EP400: variants seen among roughly 807,000 people sequenced by gnomAD.
The protein encoded by EP400 is E1A-binding protein p400.
A neutral mutation model predicts 354.1 loss-of-function variants in EP400; 105 were observed. That is an observed-to-expected ratio of 0.30 (90% CI 0.25 to 0.35). The LOEUF (loss-of-function observed/expected upper bound fraction) is 0.35. EP400 is among the 10% of genes least tolerant of loss of function. The pLI, the probability that EP400 is intolerant of heterozygous loss-of-function variation, is 1.00. For missense variants in EP400, 3,280 were observed against 4,121.0 expected, an observed-to-expected ratio of 0.80 and a Z score of 5.59; for synonymous variants, 1,646 against 1,716.9, an observed-to-expected ratio of 0.96 and a Z score of 1.02.
At chr12:131,955,980 G>C in intron 1 of EP400, among the ~76,000 whole-genome samples, 1 of 152,108 alleles carries the variant, frequency 6.6e-6, no homozygotes, top group East Asian at 1.9e-4. Flanking sequence ...ATTCCATCTT[G>C]TAACCATTAT....
In EP400 at chr12:132,052,307, C is replaced by T. The variant is rs576320202; in HGVS notation, c.7395-839C>T. Among the ~76,000 whole-genome samples the T allele has an allele frequency of 1.9e-4, 29 of 152,324 alleles. No individual in the cohort carries two copies. The highest frequency in any genetic ancestry group is 4.3e-4 in the Non-Finnish European group (29 of 68,026). On this transcript the variant is annotated intron_variant, in intron 41 of 52. Transcript: ENST00000389561. The surrounding 1 kb of genome is among the most constrained non-coding windows in gnomAD (Gnocchi z 4.4). ...CTTCCTCGTTCTGTGGCCCCCTTTC[C>T]GCACAGTAGTGGAGTGATCCTTGTC...
chr12:132,067,501 G>A lies in EP400; in HGVS notation c.8874+15G>A, dbSNP rs1350094256. ...TCCAGCAGAAGGTACCGGGGCTAGG[G>A]GATTCTCACTTCTGGGTCTATGCCA... On this transcript the variant is annotated intron_variant, in intron 50 of 52. Transcript: ENST00000389561. This position sits in a 1 kb window ranked among gnomAD's most constrained non-coding sequence, Gnocchi z 5.3. The A allele has an allele frequency of 6.2e-7, 1 of 1,609,658 alleles. No homozygotes were observed. Among genetic ancestry groups the A allele is most frequent in the Admixed American group, 1.7e-5 (1 of 59,932 alleles).
rs979314587 is a variant in EP400 at position 132,018,602 on chromosome 12, C to G, written c.4277+226C>G. ...CTCCCTGAGCAGCAACCTCCTTGAT[C>G]GTCTTTGCAGCAGTTTTAGGGTAGG... On this transcript the variant is annotated intron_variant, in intron 21 of 52. Transcript: ENST00000389561. This position sits in a 1 kb window ranked among gnomAD's most constrained non-coding sequence, Gnocchi z 4.0. Among the ~76,000 whole-genome samples the G allele has an allele frequency of 1.1e-4, 17 of 152,188 alleles. No individual in the cohort carries two copies. Among genetic ancestry groups the G allele is most frequent in the African/African-American group, 3.6e-4 (15 of 41,436 alleles).
chr12:131,971,019 C>G (rs1892271361), intron 2 of EP400, among the ~76,000 whole-genome samples: 1 of 152,114 alleles, frequency 6.6e-6, no homozygotes, highest in Non-Finnish European at 1.5e-5. Flanking sequence ...GCCTGCACAA[C>G]ATAGGACAGC....
In EP400 at chr12:132,079,499, G is replaced by A. The variant is rs1033994559; in HGVS notation, c.*1826G>A. On this transcript the variant is annotated 3_prime_UTR_variant, in exon 53 of 53. Transcript: ENST00000389561. ...TGAAGTATCTAGGAATTCTGCCTTTGTCATTTGTTTTAATTTGTGTGCCCT... is the reference window on the plus strand; with the variant it reads ...TGAAGTATCTAGGAATTCTGCCTTTATCATTTGTTTTAATTTGTGTGCCCT... The A allele has an allele frequency of 1.3e-5, 2 of 152,232 alleles. No homozygotes were observed. The highest frequency in any genetic ancestry group is 2.9e-5 in the Non-Finnish European group (2 of 68,034). 9.4% of individuals were successfully genotyped at this position (152,232 alleles called of 1,614,324 possible).
chr12:132,026,706 A>G lies in EP400; in HGVS notation c.5015-731A>G, dbSNP rs75894629. 6.3e-3 allele frequency among the ~76,000 whole-genome samples: 966 copies of G among 152,218 alleles called. 7 individuals carry two copies. The highest frequency in any genetic ancestry group is 0.022 in the African/African-American group (908 of 41,524). On this transcript the variant is annotated intron_variant, in intron 25 of 52. Coordinates refer to ENST00000389561, the MANE Select transcript of EP400 (RefSeq NM_015409.5). Reference sequence around the variant, plus strand: ...CTCAGCTTCAGAGGCCCCAGTACCAACTGGAGTCCTGGACCCTGAGGGTCT... The same window carrying G: ...CTCAGCTTCAGAGGCCCCAGTACCAGCTGGAGTCCTGGACCCTGAGGGTCT...
intron 12 of EP400, among the ~76,000 whole-genome samples, chr12:131,996,376 C>G (rs1156488157): frequency 6.7e-6 from 1 of 149,570 alleles, no homozygotes; most frequent in African/African-American, 2.5e-5. Flanking sequence ...ACTGCAAGCT[C>G]TGCCTCCTGG....
intron 45 of EP400, among the ~76,000 whole-genome samples, chr12:132,055,777 G>C (rs1440055785): frequency 6.6e-6 from 1 of 151,284 alleles, no homozygotes; most frequent in Non-Finnish European, 1.5e-5. Context: ...TGTGTGAACT[G>C]TCCCCTCCCT....
At chr12:132,051,559 A>G (rs1895289863) in intron 41 of EP400, among the ~76,000 whole-genome samples, 1 of 152,154 alleles carries the variant, frequency 6.6e-6, no homozygotes, top group South Asian at 2.1e-4. Flanking sequence ...AGGTAGAGAG[A>G]GAAGGAGAGA....
In EP400 at chr12:132,027,363, T is replaced by G; in HGVS notation, c.5015-74T>G. ...TGTGCTGGTGGAGGGTGAGGTTCCA[T>G]GGAGCATGCTGGTGTCAGATGAAAT... On this transcript the variant is annotated intron_variant, in intron 25 of 52. Transcript: ENST00000389561. This position sits in a 1 kb window ranked among gnomAD's most constrained non-coding sequence, Gnocchi z 4.9. 6 of 1,475,828 alleles carry G rather than the reference T, an allele frequency of 4.1e-6. No homozygotes were observed. The highest frequency in any genetic ancestry group is 4.7e-6 in the Non-Finnish European group (5 of 1,057,686). 91.4% of individuals were successfully genotyped at this position (1,475,828 alleles called of 1,614,324 possible). A position where few individuals can be genotyped will look rare whatever the true frequency, so the allele number is the denominator to read the frequency against.
Position 132,052,920 on chromosome 12 carries a change from G to C in EP400, c.7395-226G>C, listed in dbSNP as rs1311712467. ...GACGTGTTCGGAGATACTTTTCCTGGAGAGTGGGAGAGCTCGGCCTCAAGG... is the reference window on the plus strand; with the variant it reads ...GACGTGTTCGGAGATACTTTTCCTGCAGAGTGGGAGAGCTCGGCCTCAAGG... On this transcript the variant is annotated intron_variant, in intron 41 of 52. Transcript: ENST00000389561. This position sits in a 1 kb window ranked among gnomAD's most constrained non-coding sequence, Gnocchi z 4.4. 4.6e-5 allele frequency among the ~76,000 whole-genome samples: 7 copies of C among 152,242 alleles called. No homozygotes were observed. Among genetic ancestry groups the C allele is most frequent in the African/African-American group, 1.7e-4 (7 of 41,552 alleles).
chr12:132,014,036 C>T (rs545200176), intron 19 of EP400, 123 bp downstream of exon 19: 16 of 1,341,454 alleles, frequency 1.2e-5, no homozygotes, highest in African/African-American at 4.4e-5. Flanking sequence ...AGCTGGAGAC[C>T]GAGGCACCCT....
chr12:132,026,930 T>A (rs1403427408), intron 25 of EP400, among the ~76,000 whole-genome samples: 1 of 152,210 alleles, frequency 6.6e-6, no homozygotes, highest in Non-Finnish European at 1.5e-5. Context: ...GTAGCAGGTG[T>A]CATGTCAGGA....
Position 132,029,865 on chromosome 12 carries a change from T to A in EP400, c.5546T>A (p.Leu1849Gln). 1 of 1,612,856 alleles carries A rather than the reference T, an allele frequency of 6.2e-7. No homozygotes were observed. Among genetic ancestry groups the A allele is most frequent in the Non-Finnish European group, 8.5e-7 (1 of 1,180,018 alleles). Residue 1849 changes from leucine (L) to glutamine (Q), a missense_variant, in exon 28 of 53, where the codon CTG (leucine) becomes CAG (glutamine). Physicochemically the swap from Leu to Gln is moderately radical, Grantham distance 113. Transcript: ENST00000389561. The surrounding 1 kb of genome is among the most constrained non-coding windows in gnomAD (Gnocchi z 4.7). The stretch of plus-strand genomic sequence containing the variant: ...CGGCAGACCACGGCTCCACGCCTGC[T>A]GCAGTTCCCTGAGCTGAGGCTGGTG... ...QLRQTTAPRL[L>Q]QFPELRLVQF... is the part of the protein sequence containing the mutation.
intron 1 of EP400, among the ~76,000 whole-genome samples, chr12:131,954,340 A>G (rs184384389): frequency 6.6e-6 from 1 of 152,122 alleles, no homozygotes; most frequent in African/African-American, 2.4e-5. Context: ...TAATCCCAGC[A>G]CTTTGGGAGA....
In EP400 at chr12:131,960,607, A is replaced by G; in HGVS notation, c.-13A>G. The G allele has an allele frequency of 1.3e-6, 2 of 1,579,080 alleles. No homozygotes were observed. The highest frequency in any genetic ancestry group is 1.7e-6 in the Non-Finnish European group (2 of 1,162,920). ...TAGGAGAACGACACATTGGATACAG[A>G]AGGGAGGTGATCATGCACCATGGCA... On this transcript the variant is annotated 5_prime_UTR_variant, in exon 2 of 53. Coordinates refer to ENST00000389561, the MANE Select transcript of EP400 (RefSeq NM_015409.5).
At chr12:132,049,899 G>A (rs964323892) in intron 39 of EP400, among the ~76,000 whole-genome samples, 6 of 152,184 alleles carry the variant, frequency 3.9e-5, no homozygotes, top group East Asian at 3.8e-4. Context: ...CTGGGCATGC[G>A]CCAGCCTCAC....
intron 12 of EP400, among the ~76,000 whole-genome samples, chr12:132,001,597 C>T (rs890205059): frequency 3.9e-5 from 6 of 152,112 alleles, no homozygotes; most frequent in African/African-American, 1.2e-4. Flanking sequence ...CTCTAAACTC[C>T]CCACAAGGAA....
intron 45 of EP400, among the ~76,000 whole-genome samples, chr12:132,058,192 A>T (rs987653343): frequency 1.3e-5 from 2 of 152,090 alleles, no homozygotes; most frequent in Non-Finnish European, 2.9e-5. Flanking sequence ...TGCATGGAGA[A>T]TGGCATGTTG....
Sources: allele counts gnomAD v4.1 joint callset (sites outside exome capture counted in the v4.1 genomes callset), GRCh38; gene constraint gnomAD v4.1.1; non-coding constraint Gnocchi (gnomAD v3.1); transcripts MANE v1.5; gene names NCBI Gene and HGNC (gene_info 2026-07-23, HGNC 2026-07-21).